The following FAM120B variants were observed in gnomAD, a reference collection of about 807,000 sequenced individuals.
The protein encoded by FAM120B is constitutive coactivator of peroxisome proliferator-activated receptor gamma.
FAM120B carries 83 observed loss-of-function variants against 96.3 expected under a neutral mutation model. The ratio of observed to expected loss-of-function variants is 0.86; its 90% CI spans 0.72 to 1.03. The LOEUF (loss-of-function observed/expected upper bound fraction) is 1.03. FAM120B is among the 50% of genes least tolerant of loss of function. The pLI, the probability that FAM120B is intolerant of heterozygous loss-of-function variation, is 0.00. For missense variants in FAM120B, 1,027 were observed against 1,121.2 expected (o/e 0.92, Z 1.20); for synonymous variants, 407 against 402.7 (o/e 1.01, Z -0.13).
At chr6:170,301,261 T>C (rs1013661776) in intron 1 of FAM120B, among the ~76,000 whole-genome samples, 1 of 152,250 alleles carries the variant, frequency 6.6e-6, no homozygotes, top group African/African-American at 2.4e-5. Flanking sequence ...GCTTGGCACT[T>C]GCACCCTCTG....
chr6:170,321,002 G>C (rs532061001), intron 2 of FAM120B, among the ~76,000 whole-genome samples: 123 of 152,348 alleles, frequency 8.1e-4, no homozygotes, highest in African/African-American at 2.8e-3. Context: ...CACAGGGTTG[G>C]GAGTGGAGGC....
chr6:170,332,698 C>CA (rs34931418), intron 4 of FAM120B, among the ~76,000 whole-genome samples: 15,530 of 145,484 alleles, frequency 0.11, 999 homozygotes, highest in East Asian at 0.2. Context: ...GACTCCATCT[C>CA]AAAAAAAAAA....
At chr6:170,330,919 A>G (rs949112008) in intron 4 of FAM120B, 1 of 203,004 alleles carries the variant, frequency 4.9e-6, no homozygotes, top group African/African-American at 2.3e-5. Context: ...AGAGTTTAAC[A>G]GGATAGATTC....
intron 5 of FAM120B, among the ~76,000 whole-genome samples, chr6:170,350,420 T>C (rs979382388): frequency 6.6e-6 from 1 of 152,100 alleles, no homozygotes; most frequent in African/African-American, 2.4e-5. Context: ...GGGTCCCCCA[T>C]CTCCAGTGCA....
At position 170,317,967 on chromosome 6, in the gene FAM120B, A is replaced by G. The variant is rs967845294; in HGVS notation, c.577A>G (p.Ile193Val). Residue 193 changes from isoleucine (I) to valine (V), a missense_variant, in exon 2 of 11, where the codon ATT (isoleucine) becomes GTT (valine). Transcript: ENST00000476287. Reference sequence around the variant, plus strand: ...CTATGACACTTGTCCCTACTTTTCAATTAGCGAGCTCTGCCTAGAGAGCCT... The same window carrying G: ...CTATGACACTTGTCCCTACTTTTCAGTTAGCGAGCTCTGCCTAGAGAGCCT... ...LIYDTCPYFS[I>V]SELCLESLDT... 1.9e-6 allele frequency: 3 copies of G among 1,613,940 alleles called. No individual in the cohort carries two copies. Among genetic ancestry groups the G allele is most frequent in the Non-Finnish European group, 2.5e-6 (3 of 1,179,884 alleles).
intron 4 of FAM120B, among the ~76,000 whole-genome samples, chr6:170,340,686 C>T (rs1786762002): frequency 2.0e-5 from 3 of 152,178 alleles, no homozygotes; most frequent in Non-Finnish European, 4.4e-5. Flanking sequence ...GTGTAGGTGT[C>T]CTTTTTGTTA....
chr6:170,372,972 C>T (rs1210076699), intron 6 of FAM120B, among the ~76,000 whole-genome samples: 1 of 152,198 alleles, frequency 6.6e-6, no homozygotes, highest in African/African-American at 2.4e-5. Flanking sequence ...GACAAGCACC[C>T]TGATGAAGCA....
chr6:170,338,669 G>A (rs1786603632), intron 4 of FAM120B, among the ~76,000 whole-genome samples: 1 of 152,110 alleles, frequency 6.6e-6, no homozygotes, highest in African/African-American at 2.4e-5. Flanking sequence ...CTCTTTGTAG[G>A]TCTGTAAGAG....
intron 3 of FAM120B, among the ~76,000 whole-genome samples, chr6:170,325,535 T>TTA (rs564457334): frequency 1.1e-4 from 15 of 139,184 alleles, no homozygotes; most frequent in South Asian, 6.8e-4. Flanking sequence ...GATTTACCTT[T>TTA]AAAAAAAAAA....
chr6:170,376,735 C>A (rs146822400), intron 6 of FAM120B, among the ~76,000 whole-genome samples: 7 of 152,106 alleles, frequency 4.6e-5, no homozygotes, highest in African/African-American at 1.4e-4. Context: ...TTGAGGCGTT[C>A]GAATGTGAAC....
intron 9 of FAM120B, among the ~76,000 whole-genome samples, chr6:170,398,443 G>T: frequency 6.6e-6 from 1 of 152,176 alleles, no homozygotes; most frequent in Admixed American, 6.5e-5. Flanking sequence ...GAGAAAGGTA[G>T]AACTATGTCA....
intron 1 of FAM120B, among the ~76,000 whole-genome samples, chr6:170,312,523 T>C (rs1784649309): frequency 6.6e-6 from 1 of 152,238 alleles, no homozygotes; most frequent in South Asian, 2.1e-4. Flanking sequence ...TGTTGCATTT[T>C]ATTCTGGAAC....
At chr6:170,388,573 G>A (rs1790323425) in intron 7 of FAM120B, 80 bp downstream of exon 7, 3 of 1,235,052 alleles carry the variant, frequency 2.4e-6, no homozygotes, top group African/African-American at 3.0e-5. Context: ...GTCGGCTGTT[G>A]CATTTTTCAA....
chr6:170,391,892 A>C (rs973198834), intron 8 of FAM120B, among the ~76,000 whole-genome samples: 2 of 152,208 alleles, frequency 1.3e-5, no homozygotes, highest in African/African-American at 4.8e-5. Flanking sequence ...TGCAGTTTGC[A>C]TCCTGCTTTC....
rs1325645044 is a variant in FAM120B, at chr6:170,405,613, A to T, written c.*862A>T. ...GGGATATTTCAGAAATTCTTTTCTA[A>T]TCAGAAATTCTAATCAAACATAAGT... is the stretch of plus-strand genomic sequence containing the variant. On this transcript the variant is annotated 3_prime_UTR_variant, in exon 11 of 11. Coordinates refer to ENST00000476287, the MANE Select transcript of FAM120B (RefSeq NM_032448.3). 6.6e-6 allele frequency: 1 copy of T among 152,244 alleles called. No homozygotes were observed. The highest frequency in any genetic ancestry group is 1.5e-5 in the Non-Finnish European group (1 of 68,036). 9.4% of individuals were successfully genotyped at this position (152,244 alleles called of 1,614,324 possible). A position where few individuals can be genotyped will look rare whatever the true frequency, so the allele number is the denominator to read the frequency against.
intron 6 of FAM120B, among the ~76,000 whole-genome samples, chr6:170,365,257 T>C (rs1467169644): frequency 6.6e-6 from 1 of 152,228 alleles, no homozygotes; most frequent in Non-Finnish European, 1.5e-5. Flanking sequence ...CCAAGGCTAA[T>C]GAGAGGCTTA....
chr6:170,353,282 C>G (rs964526079), intron 5 of FAM120B, among the ~76,000 whole-genome samples: 1 of 151,954 alleles, frequency 6.6e-6, no homozygotes, highest in Admixed American at 6.6e-5. Context: ...AAAAAAAATC[C>G]AGAACCAGAT....
upstream of FAM120B, among the ~76,000 whole-genome samples, chr6:170,305,166 T>TGG (rs201091902): frequency 6.7e-6 from 1 of 149,534 alleles, no homozygotes; most frequent in Non-Finnish European, 1.5e-5. Context: ...CCTATGAACT[T>TGG]GGGGGGGGCG....
rs1790307590 is a variant in FAM120B at position 170,388,338 on chromosome 6, G to A, written c.2335G>A (p.Gly779Ser). The A allele has an allele frequency of 3.1e-6, 5 of 1,613,868 alleles. No individual in the cohort carries two copies. Among genetic ancestry groups the A allele is most frequent in the South Asian group, 1.1e-5 (1 of 91,080 alleles). ...AVQLGSLLVRGLTTLVLVNSA... is the reference protein window; with the variant it reads ...AVQLGSLLVRSLTTLVLVNSA... ...GCAGCTGGGCTCCCTTCTCGTCCGC[G>A]GCCTCACCACTCTGGTTTTAGTCAA... Residue 779 changes from glycine (G) to serine (S), a missense_variant, in exon 7 of 11, where the codon GGC becomes AGC. Gly to Ser is a moderately conservative substitution (Grantham distance 56). Transcript: ENST00000476287.
Sources: allele counts gnomAD v4.1 joint callset (sites outside exome capture counted in the v4.1 genomes callset), GRCh38; gene constraint gnomAD v4.1.1; transcripts MANE v1.5; gene names NCBI Gene and HGNC (gene_info 2026-07-23, HGNC 2026-07-21).